DLG2: variants seen among roughly 807,000 people sequenced by gnomAD.
DLG2 encodes disks large homolog 2.
A neutral mutation model predicts 132.5 loss-of-function variants in DLG2; 45 were observed. That is an observed-to-expected ratio of 0.34 (90% CI 0.27 to 0.44). The LOEUF is 0.44. DLG2 is among the 20% of genes least tolerant of loss of function. The probability of loss-of-function intolerance (pLI) is 1.00; values close to 1 mark genes in which losing one functional copy is unlikely to be tolerated. For synonymous variants in DLG2, 424 were observed against 419.6 expected (o/e 1.01, Z -0.13); for missense variants, 1,045 against 1,196.9 (o/e 0.87, Z 1.87).
intron 3 of DLG2, among the ~76,000 whole-genome samples, chr11:85,442,219 A>ATT (rs1301292923): frequency 6.6e-6 from 1 of 152,220 alleles, no homozygotes; most frequent in East Asian, 1.9e-4. Context: ...ACATGATCAA[A>ATT]CTTACATTTT....
intron 9 of DLG2, among the ~76,000 whole-genome samples, chr11:84,151,456 G>A (rs865891194): frequency 6.6e-6 from 1 of 152,032 alleles, no homozygotes; most frequent in African/African-American, 2.4e-5. Flanking sequence ...CTCTTATTCT[G>A]GCTAGTGGTC....
chr11:84,521,403 C>G (rs1028769975), intron 7 of DLG2, among the ~76,000 whole-genome samples: 6 of 152,162 alleles, frequency 3.9e-5, no homozygotes, highest in African/African-American at 1.2e-4. Flanking sequence ...CCTGTCTCAG[C>G]TATAGTGTTA....
intron 4 of DLG2, among the ~76,000 whole-genome samples, chr11:85,210,887 A>C (rs181875165): frequency 3.9e-5 from 6 of 152,082 alleles, no homozygotes; most frequent in African/African-American, 7.2e-5. Flanking sequence ...TCAGACCTGC[A>C]TAATAGCCTG....
chr11:84,050,212 T>C (rs918270100), intron 11 of DLG2, among the ~76,000 whole-genome samples: 3 of 150,828 alleles, frequency 2.0e-5, no homozygotes, highest in Admixed American at 6.6e-5. Flanking sequence ...TTTTGGAAGA[T>C]TGGTATAGAA....
intron 18 of DLG2, among the ~76,000 whole-genome samples, chr11:83,637,151 T>C (rs560119428): frequency 2.0e-5 from 3 of 152,318 alleles, no homozygotes; most frequent in South Asian, 4.1e-4. Context: ...GTATGTTTTA[T>C]AGAAGTCCTG....
intron 3 of DLG2, among the ~76,000 whole-genome samples, chr11:85,597,738 T>A (rs1303438082): frequency 6.6e-6 from 1 of 151,606 alleles, no homozygotes; most frequent in African/African-American, 2.4e-5. Context: ...TAAGTTCCTA[T>A]TTTTTGATTT....
chr11:84,830,715 T>C (rs2078927167), intron 6 of DLG2, among the ~76,000 whole-genome samples: 1 of 151,520 alleles, frequency 6.6e-6, no homozygotes, highest in Non-Finnish European at 1.5e-5. Flanking sequence ...AGGAACTTGG[T>C]AATAAGCAAG....
intron 17 of DLG2, among the ~76,000 whole-genome samples, chr11:83,808,126 C>G (rs925232890): frequency 4.6e-5 from 7 of 152,094 alleles, no homozygotes; most frequent in Non-Finnish European, 8.8e-5. Flanking sequence ...TCTCAGTAAA[C>G]AGCCCCCTCC....
At position 84,510,995 on chromosome 11, in the gene DLG2, T is replaced by C. The variant is rs11826645; in HGVS notation, c.519+23575A>G. On this transcript the variant is annotated intron_variant, in intron 7 of 27. Coordinates refer to ENST00000376104, the MANE Select transcript of DLG2 (RefSeq NM_001142699.3). The stretch of plus-strand genomic sequence containing the variant: ...ATAACTTCTTACATGGAACATATCC[T>C]TCCCTAATGTTTGGAATTTTAGGGA... 3.7e-3 allele frequency among the ~76,000 whole-genome samples: 557 copies of C among 152,276 alleles called. 5 individuals carry two copies. Among genetic ancestry groups the C allele is most frequent in the African/African-American group, 0.011 (475 of 41,564 alleles).
intron 16 of DLG2, among the ~76,000 whole-genome samples, chr11:83,852,824 A>G (rs2059989344): frequency 6.6e-6 from 1 of 152,156 alleles, no homozygotes; most frequent in Non-Finnish European, 1.5e-5. Context: ...ATCAGGAAAA[A>G]AGAGGAAGAG....
intron 3 of DLG2, among the ~76,000 whole-genome samples, chr11:85,378,890 T>C (rs988307921): frequency 2.6e-5 from 4 of 152,168 alleles, no homozygotes; most frequent in African/African-American, 9.6e-5. Context: ...ACTTTAGGTA[T>C]TCTGACAGGA....
At chr11:85,569,554 A>G (rs755624420) in intron 3 of DLG2, among the ~76,000 whole-genome samples, 17 of 152,092 alleles carry the variant, frequency 1.1e-4, no homozygotes, top group East Asian at 1.9e-4. Flanking sequence ...CTGATTTTCA[A>G]TTTCATTTCA....
chr11:84,387,929 C>G (rs1234355313), intron 7 of DLG2, among the ~76,000 whole-genome samples: 1 of 152,152 alleles, frequency 6.6e-6, no homozygotes, highest in African/African-American at 2.4e-5. Context: ...TTGTCAAAGA[C>G]CATGCACATA....
chr11:84,891,248 A>G (rs968821668), intron 6 of DLG2, among the ~76,000 whole-genome samples: 1 of 152,190 alleles, frequency 6.6e-6, no homozygotes, highest in African/African-American at 2.4e-5. Flanking sequence ...CATGTACAGC[A>G]TATGTATGTA....
chr11:84,257,949 G>T (rs2097501347), intron 7 of DLG2, among the ~76,000 whole-genome samples: 1 of 152,052 alleles, frequency 6.6e-6, no homozygotes, highest in Non-Finnish European at 1.5e-5. Context: ...AGCCTCCCCA[G>T]ATGCTGGGAT....
At chr11:84,016,688 T>C (rs1378425815) in intron 11 of DLG2, among the ~76,000 whole-genome samples, 1 of 152,148 alleles carries the variant, frequency 6.6e-6, no homozygotes, top group Non-Finnish European at 1.5e-5. Context: ...CTGGGTTCTC[T>C]ATTTTGTTCC....
intron 6 of DLG2, among the ~76,000 whole-genome samples, chr11:84,921,185 C>T (rs2092739520): frequency 6.6e-6 from 1 of 152,090 alleles, no homozygotes; most frequent in African/African-American, 2.4e-5. Flanking sequence ...AAATGAACTG[C>T]AAACTCTTTG....
intron 7 of DLG2, among the ~76,000 whole-genome samples, chr11:84,384,361 T>C (rs1227107464): frequency 6.6e-6 from 1 of 152,046 alleles, no homozygotes; most frequent in African/African-American, 2.4e-5. Context: ...TTCTCATGGT[T>C]CATATGGAAA....
At chr11:83,553,544 G>C (rs952541951) in intron 19 of DLG2, among the ~76,000 whole-genome samples, 1 of 148,454 alleles carries the variant, frequency 6.7e-6, no homozygotes. Context: ...TGCTGCTGCT[G>C]TTGTGCTATT....
Sources: allele counts gnomAD v4.1 joint callset (sites outside exome capture counted in the v4.1 genomes callset), GRCh38; gene constraint gnomAD v4.1.1; transcripts MANE v1.5; gene names NCBI Gene and HGNC (gene_info 2026-07-23, HGNC 2026-07-21).